Variants in CAMK2B observed in about 807,000 individuals in gnomAD.
CAMK2B encodes calcium/calmodulin-dependent protein kinase type II subunit beta.
A neutral mutation model predicts 93.7 loss-of-function variants in CAMK2B; 27 were observed. That is an observed-to-expected ratio of 0.29 (90% CI 0.21 to 0.40). The LOEUF (loss-of-function observed/expected upper bound fraction) is 0.40, where lower values mean the gene tolerates loss of function less well. Ranked by LOEUF, CAMK2B falls within the 10% of genes least tolerant of loss-of-function variation. The pLI, the probability that CAMK2B is intolerant of heterozygous loss-of-function variation, is 1.00. For synonymous variants in CAMK2B, 374 were observed against 358.8 expected (o/e 1.04, Z -0.48); for missense variants, 568 against 895.8 (o/e 0.63, Z 4.67).
At chr7:44,245,130 G>A (rs771617464) in intron 6 of CAMK2B, 5 of 369,778 alleles carry the variant, frequency 1.4e-5, no homozygotes, top group East Asian at 8.0e-5. Flanking sequence ...CAGTTCTTCC[G>A]AAGAGAAGGA....
At chr7:44,310,835 G>C (rs554878643) in intron 1 of CAMK2B, among the ~76,000 whole-genome samples, 1 of 152,286 alleles carries the variant, frequency 6.6e-6, no homozygotes, top group African/African-American at 2.4e-5. Context: ...TTCACTTAGG[G>C]AAGACAAAAA....
rs944379104 is a variant in CAMK2B at position 44,224,917 on chromosome 7, CT to C, written c.1597+1598del. On this transcript the variant is annotated intron_variant, in intron 20 of 23. Coordinates refer to ENST00000395749, the MANE Select transcript of CAMK2B (RefSeq NM_001220.5). This position sits in a 1 kb window ranked among gnomAD's most constrained non-coding sequence, Gnocchi z 4.4. ...CCCCAGGGCAGTACCCAGACTCTTC[CT>C]TTCCCTGAGTTCCGGAACATCTCAC... Among the ~76,000 whole-genome samples, 3 of 152,102 alleles carry C rather than the reference CT, an allele frequency of 2.0e-5. No individual in the cohort carries two copies. Among genetic ancestry groups the C allele is most frequent in the Non-Finnish European group, 2.9e-5 (2 of 67,984 alleles).
intron 19 of CAMK2B, among the ~76,000 whole-genome samples, chr7:44,227,862 A>C (rs573526785): frequency 2.5e-5 from 2 of 80,646 alleles, no homozygotes; most frequent in African/African-American, 1.0e-4. Context: ...TGAGGGAAAG[A>C]GGGGAATTTG....
At chr7:44,219,748 T>G in intron 23 of CAMK2B, 2 of 436,296 alleles carry the variant, frequency 4.6e-6, no homozygotes, top group South Asian at 3.8e-5. Flanking sequence ...GCTCTAACAG[T>G]CCTCACAAAC....
At chr7:44,284,110 A>G (rs750330759) in intron 2 of CAMK2B, 21 bp downstream of exon 2, 1 of 1,579,332 alleles carries the variant, frequency 6.3e-7, no homozygotes, top group Non-Finnish European at 8.7e-7. Flanking sequence ...GCAGCTGCGC[A>G]GGACACTCCC....
chr7:44,254,750 T>A (rs369188477), intron 4 of CAMK2B, 143 bp from the exon 5 acceptor site: 1 of 390,496 alleles, frequency 2.6e-6, no homozygotes. Flanking sequence ...ATCACCAGCA[T>A]CATCACAATC....
chr7:44,299,576 AAAG>A (rs201219301), intron 1 of CAMK2B, among the ~76,000 whole-genome samples: 1,855 of 152,324 alleles, frequency 0.012, 43 homozygotes, highest in African/African-American at 0.042. Flanking sequence ...AAATAAATAA[AAAG>A]AATAATTTTG....
rs1008764496 is a variant in CAMK2B at position 44,248,971 on chromosome 7, C to A, written c.342-1779G>T. Among the ~76,000 whole-genome samples, 3 of 152,122 alleles carry A rather than the reference C, an allele frequency of 2.0e-5. No individual in the cohort carries two copies. The highest frequency in any genetic ancestry group is 6.5e-5 in the Admixed American group (1 of 15,278). Reference sequence around the variant, plus strand: ...CCTGGGGTGTCCTGCCTTCCCTCCTCCCCATGTGCCCTGGGGTGTCCTGCC... The same window carrying A: ...CCTGGGGTGTCCTGCCTTCCCTCCTACCCATGTGCCCTGGGGTGTCCTGCC... On this transcript the variant is annotated intron_variant, in intron 5 of 23. Transcript: ENST00000395749. This position sits in a 1 kb window ranked among gnomAD's most constrained non-coding sequence, Gnocchi z 4.1.
chr7:44,244,230 G>C (rs1562880077), intron 6 of CAMK2B, among the ~76,000 whole-genome samples: 1 of 152,196 alleles, frequency 6.6e-6, no homozygotes, highest in East Asian at 1.9e-4. Context: ...GGGTTACTCA[G>C]GCCCTGACAC....
Position 44,232,863 on chromosome 7 carries a change from G to A in CAMK2B, c.1135C>T (p.Pro379Ser). ...GGGTTATGGATGACGGTGGTTTGAG[G>A]CTCCTACAGAAGAAGGAAGACACAG... ...KGTLPPAALE[P>S]QTTVIHNPVD... The change falls in exon 16 of 24, where the codon CCT (proline) becomes TCT (serine). Residue 379 changes from proline to serine, a missense_variant. By Grantham distance (74) the Pro-to-Ser change is moderately conservative (BLOSUM62 -1). Transcript: ENST00000395749. The A allele has an allele frequency of 6.2e-7, 1 of 1,613,886 alleles. No individual in the cohort carries two copies. The highest frequency in any genetic ancestry group is 8.5e-7 in the Non-Finnish European group (1 of 1,179,808).
intron 2 of CAMK2B, among the ~76,000 whole-genome samples, chr7:44,264,501 C>T (rs1287120284): frequency 1.3e-5 from 2 of 152,198 alleles, no homozygotes; most frequent in Non-Finnish European, 2.9e-5. Context: ...GCCCTGGCCA[C>T]CTGGCTGCCA....
intron 5 of CAMK2B, among the ~76,000 whole-genome samples, chr7:44,250,010 G>A (rs577334757): frequency 3.7e-4 from 57 of 152,330 alleles, no homozygotes; most frequent in Admixed American, 5.9e-4. Flanking sequence ...GACTTGGCAC[G>A]TGTTGCTGAG....
intron 2 of CAMK2B, among the ~76,000 whole-genome samples, chr7:44,275,480 A>C (rs2097025939): frequency 6.6e-6 from 1 of 152,236 alleles, no homozygotes. Flanking sequence ...TTCAGTTTCC[A>C]AAGTAATGAC....
chr7:44,297,374 T>C (rs1359025699), intron 1 of CAMK2B, among the ~76,000 whole-genome samples: 1 of 151,922 alleles, frequency 6.6e-6, no homozygotes, highest in Admixed American at 6.6e-5. Context: ...AATGGAATTA[T>C]ATAAAATGCT....
Position 44,325,341 on chromosome 7 carries a change from G to T in CAMK2B, c.65+16C>A. On this transcript the variant is annotated intron_variant, in intron 1 of 23. Transcript: ENST00000395749. ...CTGGGGTCCCCGGCCCAGCCCGCGCGCGCCGCTGCTCTTACTTGCCAATAT... is the reference window on the plus strand; with the variant it reads ...CTGGGGTCCCCGGCCCAGCCCGCGCTCGCCGCTGCTCTTACTTGCCAATAT... 1 of 1,232,630 alleles carries T rather than the reference G, an allele frequency of 8.1e-7. No homozygotes were observed. The highest frequency in any genetic ancestry group is 1.0e-6 in the Non-Finnish European group (1 of 958,454). 76.4% of individuals were successfully genotyped at this position (1,232,630 alleles called of 1,614,324 possible). A position where few individuals can be genotyped will look rare whatever the true frequency, so the allele number is the denominator to read the frequency against.
Position 44,220,816 on chromosome 7 carries a change from A to G in CAMK2B, c.1673+10T>C. The G allele has an allele frequency of 6.4e-7, 1 of 1,554,036 alleles. No individual in the cohort carries two copies. On this transcript the variant is annotated intron_variant, in intron 21 of 23. Coordinates refer to ENST00000395749, the MANE Select transcript of CAMK2B (RefSeq NM_001220.5). ...TCCTGCACAGCCCCCCCCCAGCCCC[A>G]GGGACTCACGCGTAGGCCTCAAAGT...
At chr7:44,291,045 C>T (rs1048080647) in intron 1 of CAMK2B, among the ~76,000 whole-genome samples, 3 of 152,158 alleles carry the variant, frequency 2.0e-5, no homozygotes, top group African/African-American at 7.2e-5. Flanking sequence ...AATTAGGGGG[C>T]TCTTGTTGCC....
At position 44,271,987 on chromosome 7, in the gene CAMK2B, C is replaced by T. The variant is rs1478929378; in HGVS notation, c.161-8923G>A. On this transcript the variant is annotated intron_variant, in intron 2 of 23. Transcript: ENST00000395749. The surrounding 1 kb of genome is among the most constrained non-coding windows in gnomAD (Gnocchi z 4.2). ...CAGGGCTGTTGCTGCGTCACCCCAG[C>T]TTTCAGATGGGGGCATGGGAGCAAG... Among the ~76,000 whole-genome samples, 1 of 152,228 alleles carries T rather than the reference C, an allele frequency of 6.6e-6. No individual in the cohort carries two copies. The highest frequency in any genetic ancestry group is 2.4e-5 in the African/African-American group (1 of 41,466).
At chr7:44,322,347 T>C (rs923793404) in intron 1 of CAMK2B, among the ~76,000 whole-genome samples, 1 of 152,254 alleles carries the variant, frequency 6.6e-6, no homozygotes, top group African/African-American at 2.4e-5. Context: ...AAGCAGTAGT[T>C]GGAAGGAAAT....
Sources: allele counts gnomAD v4.1 joint callset (sites outside exome capture counted in the v4.1 genomes callset), GRCh38; gene constraint gnomAD v4.1.1; non-coding constraint Gnocchi (gnomAD v3.1); transcripts MANE v1.5; gene names NCBI Gene and HGNC (gene_info 2026-07-23, HGNC 2026-07-21).